Variants in HECW1 observed in about 807,000 individuals in gnomAD.
The protein encoded by HECW1 is HECT, C2 and WW domain containing E3 ubiquitin protein ligase 1.
A neutral mutation model predicts 182.3 loss-of-function variants in HECW1; 61 were observed. The observed-to-expected ratio is 0.33, with a 90% CI of 0.27 to 0.41. The LOEUF (loss-of-function observed/expected upper bound fraction) is 0.41, where lower values mean the gene tolerates loss of function less well. Among genes scored for constraint, HECW1 ranks in the 10% least tolerant of loss-of-function variants. HECW1 has a pLI of 1.00. For missense variants in HECW1, 1,739 were observed against 2,108.9 expected (o/e 0.82, Z 3.44); for synonymous variants, 859 against 832.6 (o/e 1.03, Z -0.55).
intron 2 of HECW1, among the ~76,000 whole-genome samples, chr7:43,228,261 G>A (rs1797600357): frequency 6.6e-6 from 1 of 151,568 alleles, no homozygotes; most frequent in South Asian, 2.1e-4. Context: ...CAAGGCAGGG[G>A]AATCACTTGA....
intron 2 of HECW1, among the ~76,000 whole-genome samples, chr7:43,183,304 G>A (rs920069613): frequency 2.6e-5 from 4 of 152,136 alleles, no homozygotes; most frequent in Non-Finnish European, 4.4e-5. Flanking sequence ...CTGGTAGGTG[G>A]AGCCAGGCTG....
chr7:43,131,951 A>C (rs1036547656), intron 2 of HECW1, among the ~76,000 whole-genome samples: 1 of 152,150 alleles, frequency 6.6e-6, no homozygotes, highest in Non-Finnish European at 1.5e-5. Context: ...CTCCACATGG[A>C]GGGAAAGGTG....
At chr7:43,535,180 A>G (rs573288200) in intron 24 of HECW1, among the ~76,000 whole-genome samples, 6 of 152,220 alleles carry the variant, frequency 3.9e-5, no homozygotes, top group Non-Finnish European at 7.3e-5. Context: ...AGAAGAGTCA[A>G]GTCAACAAAC....
intron 21 of HECW1, among the ~76,000 whole-genome samples, chr7:43,504,801 A>G (rs116715643): frequency 0.038 from 5,858 of 152,204 alleles, 196 homozygotes; most frequent in East Asian, 0.17. Context: ...CTCACTGAGA[A>G]GTTGAAGCCA....
chr7:43,356,281 A>G (rs1488570203), intron 5 of HECW1, among the ~76,000 whole-genome samples: 1 of 152,186 alleles, frequency 6.6e-6, no homozygotes, highest in African/African-American at 2.4e-5. Flanking sequence ...AAAATAGACT[A>G]CAAATCAAAG....
At chr7:43,405,813 G>A (rs917407067) in intron 7 of HECW1, among the ~76,000 whole-genome samples, 1 of 152,324 alleles carries the variant, frequency 6.6e-6, no homozygotes, top group Non-Finnish European at 1.5e-5. Context: ...AAGCAGTTGA[G>A]TAGTCTCAGG....
chr7:43,489,130 T>A (rs991771528), intron 17 of HECW1, among the ~76,000 whole-genome samples: 17 of 152,176 alleles, frequency 1.1e-4, no homozygotes, highest in African/African-American at 4.1e-4. Context: ...AAACAACAAA[T>A]GTTTCCTGAG....
intron 6 of HECW1, among the ~76,000 whole-genome samples, chr7:43,374,211 A>G (rs1406872686): frequency 2.6e-5 from 4 of 152,260 alleles, no homozygotes; most frequent in African/African-American, 9.6e-5. Context: ...ACGAAAATTC[A>G]TAGAGGTTGG....
At chr7:43,376,038 A>G (rs556419780) in intron 6 of HECW1, among the ~76,000 whole-genome samples, 2 of 143,908 alleles carry the variant, frequency 1.4e-5, no homozygotes, top group South Asian at 4.2e-4. Flanking sequence ...GTATATATAT[A>G]CACACATATA....
intron 19 of HECW1, among the ~76,000 whole-genome samples, chr7:43,496,199 A>C (rs777068242): frequency 4.0e-5 from 6 of 150,836 alleles, no homozygotes; most frequent in Non-Finnish European, 7.4e-5. Context: ...GAAATTATCT[A>C]GTATGGAAAC....
chr7:43,555,240 T>C (rs2081980214), intron 29 of HECW1, among the ~76,000 whole-genome samples: 1 of 152,256 alleles, frequency 6.6e-6, no homozygotes, highest in Non-Finnish European at 1.5e-5. Flanking sequence ...CTATCAAGTT[T>C]TAGAACATGT....
chr7:43,370,668 A>T (rs1313194593), intron 6 of HECW1, among the ~76,000 whole-genome samples: 5 of 152,160 alleles, frequency 3.3e-5, no homozygotes, highest in African/African-American at 1.2e-4. Flanking sequence ...ATTATTCAGT[A>T]CTAAAAAAAA....
At chr7:43,115,651 G>A (rs10951716) in intron 2 of HECW1, among the ~76,000 whole-genome samples, 20,854 of 152,126 alleles carry the variant, frequency 0.14, 1,664 homozygotes, top group African/African-American at 0.22. Context: ...GTTTTCATGC[G>A]CTATGGTAAT....
chr7:43,158,353 T>G (rs1179531180), intron 2 of HECW1, among the ~76,000 whole-genome samples: 1 of 152,206 alleles, frequency 6.6e-6, no homozygotes, highest in African/African-American at 2.4e-5. Flanking sequence ...TAAATTTGTT[T>G]CTTGCATGTT....
intron 5 of HECW1, among the ~76,000 whole-genome samples, chr7:43,358,299 C>T (rs991565351): frequency 6.6e-6 from 1 of 152,200 alleles, no homozygotes; most frequent in Non-Finnish European, 1.5e-5. Flanking sequence ...AAACTTGCCT[C>T]TCAGGCCAAC....
intron 7 of HECW1, among the ~76,000 whole-genome samples, chr7:43,404,284 G>A (rs1410791283): frequency 3.9e-5 from 6 of 152,162 alleles, no homozygotes; most frequent in African/African-American, 1.4e-4. Context: ...TGAAGGACAG[G>A]AAAGAAGACC....
chr7:43,369,470 A>G (rs1817056366), intron 6 of HECW1, among the ~76,000 whole-genome samples: 1 of 152,214 alleles, frequency 6.6e-6, no homozygotes, highest in African/African-American at 2.4e-5. Flanking sequence ...CTCAAAAAAA[A>G]TAAAAAAATA....
chr7:43,130,835 T>G (rs1377304147), intron 2 of HECW1, among the ~76,000 whole-genome samples: 1 of 149,060 alleles, frequency 6.7e-6, no homozygotes, highest in East Asian at 2.0e-4. Context: ...ATTTCAGATT[T>G]CAGATTTTTG....
At position 43,445,274 on chromosome 7, in the gene HECW1, C is replaced by G. The variant is rs778129593; in HGVS notation, c.2102C>G (p.Ser701Trp). Residue 701 changes from serine to tryptophan, a missense_variant, in exon 11 of 30, where the codon TCG (serine) becomes TGG (tryptophan). By Grantham distance (177) the Ser-to-Trp change is radical (BLOSUM62 -3). Transcript: ENST00000395891. ...SCYSSSCYSASCYSPSCYNGN... is the reference protein window; with the variant it reads ...SCYSSSCYSAWCYSPSCYNGN... ...TACAGCAGCTCGTGCTACAGCGCCT[C>G]GTGCTACAGCCCCTCCTGCTACAAC... 75 of 1,612,786 alleles carry G rather than the reference C, an allele frequency of 4.7e-5. No homozygotes were observed. Among genetic ancestry groups the G allele is most frequent in the Non-Finnish European group, 5.9e-5 (70 of 1,179,220 alleles).
Sources: allele counts gnomAD v4.1 joint callset (sites outside exome capture counted in the v4.1 genomes callset), GRCh38; gene constraint gnomAD v4.1.1; transcripts MANE v1.5; gene names NCBI Gene and HGNC (gene_info 2026-07-23, HGNC 2026-07-21).